Variants in SULT1A1 observed in about 807,000 individuals in gnomAD.
The protein encoded by SULT1A1 is sulfotransferase 1A1.
Under a neutral mutation model 36.8 loss-of-function variants are expected in SULT1A1, and 35 were observed. The observed-to-expected ratio is 0.95, with a 90% CI of 0.73 to 1.26. SULT1A1 has a LOEUF of 1.26. SULT1A1 is among the 50% of genes most tolerant of loss of function. The pLI is 0.00. For missense variants in SULT1A1, 309 were observed against 383.0 expected, an observed-to-expected ratio of 0.81 and a Z score of 1.61; for synonymous variants, 119 against 146.0, an observed-to-expected ratio of 0.82 and a Z score of 1.33.
At chr16:28,608,628 T>C in intron 2 of SULT1A1, 25 bp from the exon 3 acceptor site, 1 of 1,611,188 alleles carries the variant, frequency 6.2e-7, no homozygotes, top group African/African-American at 1.3e-5. Flanking sequence ...AGATGGGAGG[T>C]GAGCAGGCTG....
At chr16:28,617,988 T>C (rs1274574711) in intron 2 of SULT1A1, among the ~76,000 whole-genome samples, 1 of 152,026 alleles carries the variant, frequency 6.6e-6, no homozygotes, top group Non-Finnish European at 1.5e-5. Context: ...GCGGTTTTGT[T>C]CATTTACAAA....
intron 1 of SULT1A1, chr16:28,609,404 T>C: frequency 4.7e-6 from 6 of 1,286,312 alleles, no homozygotes; most frequent in Non-Finnish European, 6.1e-6. Flanking sequence ...ACACGGCCCA[T>C]TGAGGAACTG....
intron 1 of SULT1A1, 90 bp from the exon 2 acceptor site, chr16:28,608,949 G>T: frequency 6.2e-7 from 1 of 1,607,104 alleles, no homozygotes; most frequent in East Asian, 2.2e-5. Context: ...AGTCACTGAG[G>T]CCTAGGGAGG....
chr16:28,623,201 G>C (rs1254185629), exon 1 of SULT1A1: 2 of 1,547,436 alleles, frequency 1.3e-6, no homozygotes, highest in East Asian at 2.4e-5. Flanking sequence ...CCAGCATGGC[G>C]CGCGGCGCTC....
rs140328397 is a variant in SULT1A1 at position 28,608,324 on chromosome 16, C to A, written c.339G>T (p.Leu113=). 1.2e-6 allele frequency: 2 copies of A among 1,612,234 alleles called. No homozygotes were observed. Among genetic ancestry groups the A allele is most frequent in the African/African-American group, 2.7e-5 (2 of 74,838 alleles). The part of the protein sequence containing the change: ...RLLKTHLPLA[L]LPQTLLDQKV... Reference sequence around the variant, plus strand: ...TCTGATCCAACAGAGTCTGGGGGAGCAGAGCCAGGGGCAGGTGTGTCTTCA... The same window carrying A: ...TCTGATCCAACAGAGTCTGGGGGAGAAGAGCCAGGGGCAGGTGTGTCTTCA... The change falls in exon 4 of 8, where the codon CTG becomes CTT. Residue 113 remains leucine (L), a synonymous_variant. Coordinates refer to ENST00000314752, the MANE Select transcript of SULT1A1 (RefSeq NM_001055.4).
rs1315698185 is a variant in SULT1A1, at chr16:28,605,476, T to TG, written c.*344dup. Reference sequence around the variant, plus strand: ...TTGTAGGGATGATGTCTTGTAATGTTGAACAGGCTGGTCCCAAACTCCTGT... The same window carrying TG: ...TTGTAGGGATGATGTCTTGTAATGTTGGAACAGGCTGGTCCCAAACTCCTGT... On this transcript the variant is annotated 3_prime_UTR_variant, in exon 8 of 8. Coordinates refer to ENST00000314752, the MANE Select transcript of SULT1A1 (RefSeq NM_001055.4). 1 of 406,986 alleles carries TG rather than the reference T, an allele frequency of 2.5e-6. No individual in the cohort carries two copies. The allele number at this position is 406,986 out of a possible 1,614,324, so 25.2% of individuals were successfully genotyped here. A position where few individuals can be genotyped will look rare whatever the true frequency, so the allele number is the denominator to read the frequency against.
Position 28,620,748 on chromosome 16 carries a change from C to T in SULT1A1, c.68-615G>A, listed in dbSNP as rs564756562. ...TAGTGGGTCTATTGGTTACTTTTCT[C>T]TACCTTCCAAACATTTTGTGAAAAG... On this transcript the variant is annotated intron_variant, in intron 1 of 5. Transcript: ENST00000350842. 5.9e-5 allele frequency among the ~76,000 whole-genome samples: 9 copies of T among 152,280 alleles called. No individual in the cohort carries two copies. In the South Asian group the frequency reaches 1.7e-3, roughly 28 times the overall value.
At chr16:28,617,461 C>A (rs2047567447) in intron 2 of SULT1A1, among the ~76,000 whole-genome samples, 1 of 152,166 alleles carries the variant, frequency 6.6e-6, no homozygotes, top group African/African-American at 2.4e-5. Context: ...CCCTTTAGGA[C>A]AGAATCTCTG....
chr16:28,606,391 T>C (rs1420546520), intron 6 of SULT1A1, among the ~76,000 whole-genome samples, 155 bp from the exon 7 acceptor site: 1 of 151,304 alleles, frequency 6.6e-6, no homozygotes, highest in Non-Finnish European at 1.5e-5. Flanking sequence ...GTCCCGGGGG[T>C]AAAAAGAATT....
At chr16:28,610,297 T>C, upstream of SULT1A1, 1 of 929,794 alleles carries the variant, frequency 1.1e-6, no homozygotes, top group Non-Finnish European at 1.4e-6. Context: ...TTTTCCGAGC[T>C]GTCACTGGGC....
chr16:28,620,714 C>T (rs1024271009), intron 1 of SULT1A1, among the ~76,000 whole-genome samples: 9 of 152,130 alleles, frequency 5.9e-5, no homozygotes, highest in Admixed American at 5.2e-4. Context: ...AAAAACAATC[C>T]AGTTACAATA....
chr16:28,610,532 C>G, upstream of SULT1A1: 1 of 298,964 alleles, frequency 3.3e-6, no homozygotes, highest in South Asian at 2.9e-5. Flanking sequence ...GCTCTGACCA[C>G]AAGGCCAGTC....
At chr16:28,620,391 C>T (rs2047627943) in intron 1 of SULT1A1, among the ~76,000 whole-genome samples, 1 of 151,494 alleles carries the variant, frequency 6.6e-6, no homozygotes. Flanking sequence ...CAGGGCAAAA[C>T]CTCATCTCTA....
intron 1 of SULT1A1, chr16:28,620,161 T>A: frequency 6.2e-7 from 1 of 1,605,718 alleles, no homozygotes; most frequent in South Asian, 1.1e-5. Flanking sequence ...AAAAGAATTT[T>A]AAAAGATTCA....
At chr16:28,621,557 T>G (rs566734801) in intron 1 of SULT1A1, among the ~76,000 whole-genome samples, 19 of 151,604 alleles carry the variant, frequency 1.3e-4, no homozygotes, top group Non-Finnish European at 2.5e-4. Flanking sequence ...CTCACTAGTT[T>G]TTTGAGGATT....
chr16:28,619,941 A>T, intron 2 of SULT1A1: 1 of 764,082 alleles, frequency 1.3e-6, no homozygotes, highest in Non-Finnish European at 2.0e-6. Flanking sequence ...ACATATACAC[A>T]TATATACACA....
chr16:28,608,840 C>T lies in SULT1A1; in HGVS notation c.16G>A (p.Asp6Asn). 1.2e-6 allele frequency: 2 copies of T among 1,611,590 alleles called. No individual in the cohort carries two copies. The highest frequency in any genetic ancestry group is 1.7e-6 in the Non-Finnish European group (2 of 1,179,480). The change falls in exon 2 of 8, where the codon GAC (aspartate) becomes AAC (asparagine). Residue 6 changes from aspartate (D) to asparagine (N), a missense_variant. Coordinates refer to ENST00000314752, the MANE Select transcript of SULT1A1 (RefSeq NM_001055.4). Reference protein sequence around the residue: MELIQDTSRPPLEYVK... With the variant: MELIQNTSRPPLEYVK... ...TACTCCAGTGGCGGGCGGGAGGTGTCCTGGATCAGCTCCATGTTCCTGCGT... is the reference window on the plus strand; with the variant it reads ...TACTCCAGTGGCGGGCGGGAGGTGTTCTGGATCAGCTCCATGTTCCTGCGT...
At chr16:28,623,312 G>A in exon 1 of SULT1A1, 1 of 1,530,162 alleles carries the variant, frequency 6.5e-7, no homozygotes, top group East Asian at 2.4e-5. Context: ...GGCGCCAGTC[G>A]GCCTAGCGGC....
upstream of SULT1A1, chr16:28,610,514 C>T (rs1014126543): frequency 3.2e-6 from 1 of 313,804 alleles, no homozygotes; most frequent in Non-Finnish European, 6.2e-6. Flanking sequence ...GCAGCCCATG[C>T]ACTCCAGGCT....
Sources: allele counts gnomAD v4.1 joint callset (sites outside exome capture counted in the v4.1 genomes callset), GRCh38; gene constraint gnomAD v4.1.1; transcripts MANE v1.5; gene names NCBI Gene and HGNC (gene_info 2026-07-23, HGNC 2026-07-21).